The following PRMT8 variants were observed in gnomAD, a reference collection of about 807,000 sequenced individuals.
PRMT8 encodes the protein protein arginine methyltransferase 8.
Under a neutral mutation model 47.1 loss-of-function variants are expected in PRMT8, and 7 were observed. That is an observed-to-expected ratio of 0.15 (90% CI 0.08 to 0.28). The LOEUF is 0.28. Among genes scored for constraint, PRMT8 ranks in the 10% least tolerant of loss-of-function variants. The pLI, the probability that PRMT8 is intolerant of heterozygous loss-of-function variation, is 1.00. For missense variants in PRMT8, 237 were observed against 505.4 expected (o/e 0.47, Z 5.09); for synonymous variants, 188 against 186.5 (o/e 1.01, Z -0.07).
chr12:3,448,641 G>A (rs921937315), intron 1 of PRMT8, among the ~76,000 whole-genome samples: 12 of 151,988 alleles, frequency 7.9e-5, no homozygotes, highest in South Asian at 2.1e-4. Context: ...CCAAAAAGTC[G>A]CCTGATATCC....
At chr12:3,423,531 A>G (rs1864566718) in intron 1 of PRMT8, among the ~76,000 whole-genome samples, 1 of 152,134 alleles carries the variant, frequency 6.6e-6, no homozygotes, top group Non-Finnish European at 1.5e-5. Flanking sequence ...TCTTTCCGTG[A>G]GAAGCATAGA....
At chr12:3,536,030 T>C (rs888885812) in intron 1 of PRMT8, among the ~76,000 whole-genome samples, 1 of 152,194 alleles carries the variant, frequency 6.6e-6, no homozygotes, top group Non-Finnish European at 1.5e-5. Flanking sequence ...TGAACAATCA[T>C]GTATATCTCT....
chr12:3,422,106 G>A lies in PRMT8; in HGVS notation c.48+40664G>A, dbSNP rs918900539. 2.0e-5 allele frequency among the ~76,000 whole-genome samples: 3 copies of A among 152,236 alleles called. No individual in the cohort carries two copies. In the South Asian group the frequency reaches 6.2e-4, roughly 31 times the overall value. On this transcript the variant is annotated intron_variant, in intron 1 of 9. Coordinates refer to the PRMT8 transcript ENST00000452611. ...ACATGTCCACCTGAGTTATGGAGCAGTCCAGCAGCCTGCATTCCCTTCAGC... is the reference window on the plus strand; with the variant it reads ...ACATGTCCACCTGAGTTATGGAGCAATCCAGCAGCCTGCATTCCCTTCAGC...
chr12:3,590,868 A>G (rs1867283583), intron 8 of PRMT8, among the ~76,000 whole-genome samples: 1 of 152,140 alleles, frequency 6.6e-6, no homozygotes, highest in Non-Finnish European at 1.5e-5. Context: ...AGAGGCAGGC[A>G]CCGAGGAAGC....
At chr12:3,573,513 AT>A (rs1866887919) in intron 6 of PRMT8, among the ~76,000 whole-genome samples, 1 of 152,106 alleles carries the variant, frequency 6.6e-6, no homozygotes, top group Admixed American at 6.5e-5. Flanking sequence ...GATAAGTCAT[AT>A]TTTTCCCTTT....
At chr12:3,536,151 G>A (rs1212808206) in intron 1 of PRMT8, among the ~76,000 whole-genome samples, 1 of 152,206 alleles carries the variant, frequency 6.6e-6, no homozygotes, top group Non-Finnish European at 1.5e-5. Context: ...CCTTGCTGTT[G>A]TAGAAGTTCA....
chr12:3,518,409 T>TTA (rs1555088237), intron 1 of PRMT8, among the ~76,000 whole-genome samples: 24,078 of 148,830 alleles, frequency 0.16, 2,129 homozygotes, highest in East Asian at 0.24. Flanking sequence ...TTTTTTTTTT[T>TTA]AAAAAAAAGG....
chr12:3,402,608 C>G (rs369031437), intron 1 of PRMT8, among the ~76,000 whole-genome samples: 1 of 152,126 alleles, frequency 6.6e-6, no homozygotes, highest in African/African-American at 2.4e-5. Flanking sequence ...CTATAAGGAA[C>G]TTAAACAAAT....
intron 7 of PRMT8, among the ~76,000 whole-genome samples, chr12:3,581,140 C>T (rs764627583): frequency 1.3e-5 from 2 of 152,062 alleles, no homozygotes; most frequent in East Asian, 1.9e-4. Context: ...AATGGAAGGA[C>T]GTGGAGGACC....
At chr12:3,457,410 G>C (rs1028371101) in intron 1 of PRMT8, among the ~76,000 whole-genome samples, 3 of 152,154 alleles carry the variant, frequency 2.0e-5, no homozygotes, top group Non-Finnish European at 4.4e-5. Flanking sequence ...CTTGACTCAA[G>C]TGGTCCTCCT....
chr12:3,467,479 C>G (rs753390689), intron 1 of PRMT8, among the ~76,000 whole-genome samples: 10 of 151,914 alleles, frequency 6.6e-5, no homozygotes, highest in Non-Finnish European at 1.3e-4. Context: ...TTAAAGTGAG[C>G]CGTTCTCAGA....
chr12:3,575,002 C>G (rs1470595773), intron 6 of PRMT8, among the ~76,000 whole-genome samples: 8 of 152,328 alleles, frequency 5.3e-5, no homozygotes, highest in East Asian at 3.9e-4. Context: ...GGAGTCTTCT[C>G]TGAAACCTGC....
At chr12:3,399,078 C>G (rs1864292599) in intron 1 of PRMT8, among the ~76,000 whole-genome samples, 1 of 152,218 alleles carries the variant, frequency 6.6e-6, no homozygotes, top group African/African-American at 2.4e-5. Flanking sequence ...CACCTTTTCA[C>G]TCTGACTTAG....
intron 4 of PRMT8, among the ~76,000 whole-genome samples, chr12:3,561,927 G>A (rs1447652019): frequency 1.3e-5 from 2 of 152,198 alleles, no homozygotes; most frequent in East Asian, 3.8e-4. Context: ...TCTGGAGTCA[G>A]CACCTTACAG....
chr12:3,494,198 G>A (rs1865469446), intron 1 of PRMT8, among the ~76,000 whole-genome samples: 1 of 152,126 alleles, frequency 6.6e-6, no homozygotes, highest in Non-Finnish European at 1.5e-5. Context: ...TCTGTACCAG[G>A]AAAGCTAGGT....
intron 1 of PRMT8, among the ~76,000 whole-genome samples, chr12:3,445,199 A>G (rs117609116): frequency 0.015 from 2,301 of 152,314 alleles, 37 homozygotes; most frequent in Middle Eastern, 0.02. Context: ...TGTCGTCACT[A>G]TTTAAACAAA....
At chr12:3,437,693 C>G (rs78073992) in intron 1 of PRMT8, among the ~76,000 whole-genome samples, 1 of 151,016 alleles carries the variant, frequency 6.6e-6, no homozygotes, top group Non-Finnish European at 1.5e-5. Flanking sequence ...ATACCTAACA[C>G]GGGGGCTTTT....
intron 1 of PRMT8, among the ~76,000 whole-genome samples, chr12:3,421,408 C>G (rs558862638): frequency 6.6e-6 from 1 of 152,218 alleles, no homozygotes; most frequent in Non-Finnish European, 1.5e-5. Flanking sequence ...CCAGCCATCA[C>G]CATCCTGCCG....
chr12:3,483,484 C>A (rs1202779389), intron 1 of PRMT8, among the ~76,000 whole-genome samples: 2 of 152,034 alleles, frequency 1.3e-5, no homozygotes, highest in Non-Finnish European at 2.9e-5. Flanking sequence ...TTGAGTGGTC[C>A]TTAACCCCAC....
Sources: allele counts gnomAD v4.1 joint callset (sites outside exome capture counted in the v4.1 genomes callset), GRCh38; gene constraint gnomAD v4.1.1; transcripts MANE v1.5; gene names NCBI Gene and HGNC (gene_info 2026-07-23, HGNC 2026-07-21).